RYR3: variants seen among roughly 807,000 people sequenced by gnomAD.
RYR3 encodes ryanodine receptor 3, also known as brain ryanodine receptor-calcium release channel.
In RYR3, 207 loss-of-function variants were observed where a neutral mutation model predicts 584.3. The observed-to-expected ratio is 0.35, with a 90% CI of 0.32 to 0.40. The LOEUF (loss-of-function observed/expected upper bound fraction) is 0.40, where lower values mean the gene tolerates loss of function less well. Ranked by LOEUF, RYR3 falls within the 10% of genes least tolerant of loss-of-function variation. RYR3 has a pLI of 1.00. For missense variants in RYR3, 5,616 were observed against 6,089.2 expected, an observed-to-expected ratio of 0.92 and a Z score of 2.59; for synonymous variants, 2,416 against 2,248.5, an observed-to-expected ratio of 1.07 and a Z score of -2.11.
chr15:33,800,928 A>G lies in RYR3; in HGVS notation c.9918+71A>G, dbSNP rs76984405. 1,317 of 1,106,962 alleles carry G rather than the reference A, an allele frequency of 1.2e-3. 16 individuals carry two copies. The East Asian group carries it at 0.027, about 22-fold the overall frequency. 68.6% of individuals were successfully genotyped at this position (1,106,962 alleles called of 1,614,324 possible). A position where few individuals can be genotyped will look rare whatever the true frequency, so the allele number is the denominator to read the frequency against. On this transcript the variant is annotated intron_variant, in intron 68 of 103. Coordinates refer to ENST00000634891, the MANE Select transcript of RYR3 (RefSeq NM_001036.6). ...GCAGACCGTGGAAAACTGTTGATGA[A>G]AAAAAGCCAACAGTAAAATATTCGA...
chr15:33,857,156 C>T (rs551561057), intron 98 of RYR3, among the ~76,000 whole-genome samples: 23 of 152,252 alleles, frequency 1.5e-4, no homozygotes, highest in Non-Finnish European at 2.6e-4. Flanking sequence ...GCTGCCAGAA[C>T]GAAGTACTAC....
At chr15:33,501,448 G>C (rs116567910) in intron 2 of RYR3, among the ~76,000 whole-genome samples, 1 of 152,216 alleles carries the variant, frequency 6.6e-6, no homozygotes, top group Admixed American at 6.5e-5. Context: ...TGTAAAAGTG[G>C]GCATTAATGT....
chr15:33,434,961 G>A (rs751751317), intron 1 of RYR3, among the ~76,000 whole-genome samples: 1 of 152,018 alleles, frequency 6.6e-6, no homozygotes, highest in African/African-American at 2.4e-5. Context: ...GGGACTACAG[G>A]TGCCCACCAC....
chr15:33,550,000 TG>T (rs2056555499), intron 9 of RYR3, among the ~76,000 whole-genome samples, 159 bp from the exon 10 acceptor site: 1 of 152,226 alleles, frequency 6.6e-6, no homozygotes, highest in Admixed American at 6.5e-5. Flanking sequence ...TAGGCAGACA[TG>T]AAATCCTACA....
chr15:33,557,041 CTG>C (rs2057113863), intron 10 of RYR3, among the ~76,000 whole-genome samples: 1 of 152,196 alleles, frequency 6.6e-6, no homozygotes, highest in African/African-American at 2.4e-5. Context: ...CATTAGTTAA[CTG>C]TGCTACTGGT....
In RYR3 at chr15:33,359,657, C is replaced by T. The variant is rs1974478145; in HGVS notation, c.51+48561C>T. On this transcript the variant is annotated intron_variant, in intron 1 of 103. Transcript: ENST00000634891. The stretch of plus-strand genomic sequence containing the variant: ...ATTTTCAGACGGAGTCGCACTCTGT[C>T]ACCCAGGCTGGAGTGCAGTGGCGCG... Among the ~76,000 whole-genome samples the T allele has an allele frequency of 3.3e-5, 5 of 151,888 alleles. No individual in the cohort carries two copies. In the South Asian group the frequency reaches 1.0e-3, roughly 32 times the overall value.
At chr15:33,552,875 G>A (rs957845057) in intron 10 of RYR3, among the ~76,000 whole-genome samples, 2 of 152,110 alleles carry the variant, frequency 1.3e-5, no homozygotes, top group African/African-American at 2.4e-5. Context: ...TGCTTGGCAC[G>A]GGCTTTCCTT....
chr15:33,435,588 C>T (rs1047860165), intron 1 of RYR3, among the ~76,000 whole-genome samples: 1 of 152,160 alleles, frequency 6.6e-6, no homozygotes, highest in African/African-American at 2.4e-5. Context: ...GCCTCTTCCT[C>T]CATATTGTGT....
intron 1 of RYR3, among the ~76,000 whole-genome samples, chr15:33,378,857 C>T (rs556008294): frequency 1.8e-4 from 27 of 152,090 alleles, no homozygotes; most frequent in South Asian, 1.0e-3. Context: ...CCTAGCTACT[C>T]AGGAGGCTGA....
At chr15:33,592,007 G>A (rs1240014224) in intron 16 of RYR3, among the ~76,000 whole-genome samples, 2 of 152,096 alleles carry the variant, frequency 1.3e-5, no homozygotes, top group Admixed American at 1.3e-4. Context: ...CTTGTGTTTG[G>A]GATAGACAGT....
intron 9 of RYR3, among the ~76,000 whole-genome samples, chr15:33,548,463 A>G (rs1187765148): frequency 6.6e-6 from 1 of 152,224 alleles, no homozygotes; most frequent in African/African-American, 2.4e-5. Flanking sequence ...AGCTCAGACA[A>G]GGCCACTGAA....
At chr15:33,855,205 T>A (rs1413919877) in intron 98 of RYR3, among the ~76,000 whole-genome samples, 2 of 113,114 alleles carry the variant, frequency 1.8e-5, no homozygotes, top group Non-Finnish European at 3.8e-5. Context: ...CTTGGAGATC[T>A]TTTTTTTTTT....
intron 46 of RYR3, among the ~76,000 whole-genome samples, chr15:33,726,972 C>G (rs2152815718): frequency 6.6e-6 from 1 of 152,310 alleles, no homozygotes; most frequent in South Asian, 2.1e-4. Context: ...ACAATTGTAC[C>G]CTGTGTCCCA....
intron 38 of RYR3, among the ~76,000 whole-genome samples, chr15:33,677,170 G>A (rs903001237): frequency 2.6e-5 from 4 of 151,946 alleles, no homozygotes; most frequent in Admixed American, 6.6e-5. Context: ...TCCGTATCCC[G>A]GACCCACACT....
Position 33,726,479 on chromosome 15 carries a change from C to G in RYR3, c.7006C>G (p.Pro2336Ala). The G allele has an allele frequency of 6.2e-7, 1 of 1,602,836 alleles. No homozygotes were observed. The highest frequency in any genetic ancestry group is 8.5e-7 in the Non-Finnish European group (1 of 1,174,464). Residue 2336 changes from proline (P) to alanine (A), a missense_variant, in exon 46 of 104, where the codon CCC (proline) becomes GCC (alanine). Pro to Ala is a conservative substitution (Grantham distance 27). Transcript: ENST00000634891. ...AGACCTGGTTGGGATCATCAGCATC[C>G]CCTTGAAACTGCCCTCCCTCAACAA... The part of the protein sequence containing the change: ...TEDLVGIISI[P>A]LKLPSLNKDG...
At chr15:33,861,947 A>T (rs1272145626) in intron 102 of RYR3, among the ~76,000 whole-genome samples, 1 of 152,108 alleles carries the variant, frequency 6.6e-6, no homozygotes, top group Non-Finnish European at 1.5e-5. Context: ...CCCAGTACCT[A>T]GAACAATGCC....
intron 30 of RYR3, among the ~76,000 whole-genome samples, chr15:33,648,446 A>G (rs763047543): frequency 6.6e-6 from 1 of 152,230 alleles, no homozygotes; most frequent in Non-Finnish European, 1.5e-5. Context: ...TTGTTGTAAT[A>G]TAGTGATAAC....
chr15:33,513,110 C>T (rs371100980), intron 3 of RYR3, among the ~76,000 whole-genome samples: 18 of 152,296 alleles, frequency 1.2e-4, no homozygotes, highest in African/African-American at 3.6e-4. Context: ...AGCACATTTG[C>T]AGTTTTTTAA....
intron 94 of RYR3, chr15:33,851,859 GA>G (rs1356416396): frequency 6.6e-6 from 1 of 151,950 alleles, no homozygotes; most frequent in African/African-American, 2.4e-5. Flanking sequence ...AAAAATCAAG[GA>G]GCAATGTACA....
Sources: gnomAD v4.1 joint callset for allele counts (sites outside exome capture counted in the v4.1 genomes callset) on GRCh38, gnomAD v4.1.1 for gene constraint, MANE v1.5 for transcripts, NCBI Gene and HGNC (gene_info 2026-07-23, HGNC 2026-07-21) for gene names.